RARB: variants seen among roughly 807,000 people sequenced by gnomAD.
RARB encodes HBV-activated protein.
A neutral mutation model predicts 51.9 loss-of-function variants in RARB; 17 were observed. The observed-to-expected ratio is 0.33, with a 90% CI of 0.22 to 0.49. The LOEUF (loss-of-function observed/expected upper bound fraction) is 0.49, where lower values mean the gene tolerates loss of function less well. RARB is among the 20% of genes least tolerant of loss of function. The pLI is 0.99. For missense variants in RARB, 369 were observed against 550.8 expected (o/e 0.67, Z 3.30); for synonymous variants, 215 against 195.4 (o/e 1.10, Z -0.84).
chr3:25,439,532 T>A (rs1708573516), intron 1 of RARB, among the ~76,000 whole-genome samples: 1 of 152,086 alleles, frequency 6.6e-6, no homozygotes, highest in South Asian at 2.1e-4. Flanking sequence ...CAGCCTCCCA[T>A]GTAGCTGAGA....
intron 5 of RARB, among the ~76,000 whole-genome samples, chr3:25,289,262 G>C (rs1316518127): frequency 6.6e-6 from 1 of 152,208 alleles, no homozygotes; most frequent in Non-Finnish European, 1.5e-5. Flanking sequence ...CGGGGATGCT[G>C]TGAGGTTGAA....
At chr3:25,186,256 C>G (rs372502092) in intron 5 of RARB, among the ~76,000 whole-genome samples, 2 of 151,938 alleles carry the variant, frequency 1.3e-5, no homozygotes, top group East Asian at 1.9e-4. Context: ...ATTTTATATC[C>G]AGTACAGATG....
At chr3:25,507,752 G>A (rs989718143) in intron 3 of RARB, among the ~76,000 whole-genome samples, 3 of 152,194 alleles carry the variant, frequency 2.0e-5, no homozygotes, top group Non-Finnish European at 2.9e-5. Flanking sequence ...CTGGGGTCAG[G>A]AGGTCAGAAG....
intron 5 of RARB, among the ~76,000 whole-genome samples, chr3:25,249,159 AT>A (rs1702642552): frequency 6.6e-6 from 1 of 151,782 alleles, no homozygotes. Flanking sequence ...TATCTGGTTT[AT>A]TTCAGACAAC....
rs80057700 is a variant in RARB at position 24,866,515 on chromosome 3, G to C, written c.-380+7763G>C. Among the ~76,000 whole-genome samples the C allele has an allele frequency of 3.0e-3, 460 of 152,218 alleles. 1 individual carries two copies. The highest frequency in any genetic ancestry group is 0.011 in the African/African-American group (450 of 41,548). ...GAATTCCAGCATGCCACACAGCATGGTTTAAGAAATAGGCTTCGTGGGGGG... is the reference window on the plus strand; with the variant it reads ...GAATTCCAGCATGCCACACAGCATGCTTTAAGAAATAGGCTTCGTGGGGGG... On this transcript the variant is annotated intron_variant, in intron 2 of 11. Coordinates refer to the RARB transcript ENST00000383772.
chr3:25,218,675 T>C (rs1701884932), intron 5 of RARB, among the ~76,000 whole-genome samples: 1 of 152,194 alleles, frequency 6.6e-6, no homozygotes, highest in Admixed American at 6.5e-5. Flanking sequence ...TACCTTGCTA[T>C]AGGGTTTGAC....
intron 5 of RARB, among the ~76,000 whole-genome samples, chr3:25,271,801 A>G (rs1286058244): frequency 4.6e-5 from 7 of 152,310 alleles, no homozygotes; most frequent in Admixed American, 3.9e-4. Context: ...GTCAAAAACC[A>G]TTTTCTAGTA....
At chr3:24,831,518 C>T (rs570151885) in intron 1 of RARB, among the ~76,000 whole-genome samples, 2 of 152,232 alleles carry the variant, frequency 1.3e-5, no homozygotes, top group East Asian at 3.9e-4. Context: ...AACAAAATAA[C>T]CTCATTTGCT....
At chr3:25,332,348 C>T (rs950876740) in intron 5 of RARB, among the ~76,000 whole-genome samples, 1 of 152,206 alleles carries the variant, frequency 6.6e-6, no homozygotes, top group African/African-American at 2.4e-5. Flanking sequence ...GGCTTCATCC[C>T]TGGGATGCAA....
intron 2 of RARB, among the ~76,000 whole-genome samples, chr3:24,903,031 T>G (rs1703640545): frequency 6.6e-6 from 1 of 152,142 alleles, no homozygotes; most frequent in Non-Finnish European, 1.5e-5. Context: ...TAACTGTTAT[T>G]GGAAAAATCT....
chr3:25,442,782 C>T (rs1708755662), intron 1 of RARB, among the ~76,000 whole-genome samples: 1 of 152,100 alleles, frequency 6.6e-6, no homozygotes, highest in Non-Finnish European at 1.5e-5. Context: ...TTAGTTTGCA[C>T]AGCTAAACCA....
In RARB at chr3:25,276,806, A is replaced by G. The variant is rs560446948; in HGVS notation, c.178+102231A>G. Among the ~76,000 whole-genome samples, 4 of 152,324 alleles carry G rather than the reference A, an allele frequency of 2.6e-5. No homozygotes were observed. The South Asian group carries it at 6.2e-4, about 24-fold the overall frequency. ...GTGAAGACCAAGTTTTGTCAAACCA[A>G]TCGCTTCATAAGACTGGTTGACAGG... On this transcript the variant is annotated intron_variant, in intron 5 of 11. Coordinates refer to the RARB transcript ENST00000383772.
intron 5 of RARB, among the ~76,000 whole-genome samples, chr3:25,206,024 A>G (rs796309682): frequency 4.6e-5 from 7 of 152,332 alleles, no homozygotes; most frequent in African/African-American, 1.2e-4. Flanking sequence ...AGGCTAAGCT[A>G]TGATGCTTGG....
chr3:24,914,857 A>G (rs1695072211), intron 2 of RARB, among the ~76,000 whole-genome samples: 1 of 152,210 alleles, frequency 6.6e-6, no homozygotes, highest in South Asian at 2.1e-4. Flanking sequence ...GTACTAACAG[A>G]TGGTATTGTC....
intron 5 of RARB, among the ~76,000 whole-genome samples, chr3:25,588,872 G>C (rs1160039069): frequency 6.6e-6 from 1 of 152,192 alleles, no homozygotes; most frequent in African/African-American, 2.4e-5. Context: ...CAGCAAGCAA[G>C]AAGGAAGTGA....
chr3:25,461,154 T>A (rs1487726282), intron 1 of RARB, 39 bp from the exon 2 acceptor site: 1 of 1,500,644 alleles, frequency 6.7e-7, no homozygotes, highest in South Asian at 1.4e-5. Flanking sequence ...CTAAAATACA[T>A]TTTCTCTTTT....
intron 5 of RARB, among the ~76,000 whole-genome samples, chr3:25,208,042 A>C (rs1405301514): frequency 1.3e-5 from 2 of 150,622 alleles, no homozygotes; most frequent in African/African-American, 4.9e-5. Context: ...AAATTGGGGG[A>C]ATGCTACGCA....
At chr3:25,134,790 G>A (rs1371714781) in intron 4 of RARB, among the ~76,000 whole-genome samples, 5 of 151,220 alleles carry the variant, frequency 3.3e-5, no homozygotes, top group African/African-American at 1.2e-4. Context: ...ATGGAAGAAT[G>A]AGAATGTAGC....
chr3:25,566,647 A>G (rs1700507615), intron 3 of RARB, among the ~76,000 whole-genome samples: 1 of 152,144 alleles, frequency 6.6e-6, no homozygotes, highest in Non-Finnish European at 1.5e-5. Context: ...TCATGGTGAC[A>G]GCTCACAGTG....
Sources: allele counts gnomAD v4.1 joint callset (sites outside exome capture counted in the v4.1 genomes callset), GRCh38; gene constraint gnomAD v4.1.1; transcripts MANE v1.5; gene names NCBI Gene and HGNC (gene_info 2026-07-23, HGNC 2026-07-21).